The following JPT2 variants were observed in gnomAD, a reference collection of about 807,000 sequenced individuals.
JPT2 encodes CRAMP_1 like.
Under a neutral mutation model 15.9 loss-of-function variants are expected in JPT2, and 9 were observed. The observed-to-expected ratio is 0.57, with a 90% CI of 0.34 to 0.99. The LOEUF (loss-of-function observed/expected upper bound fraction) is 0.99, where lower values mean the gene tolerates loss of function less well. Ranked by LOEUF, JPT2 falls within the 50% of genes least tolerant of loss-of-function variation. The pLI, the probability that JPT2 is intolerant of heterozygous loss-of-function variation, is 0.02. For missense variants in JPT2, 267 were observed against 252.1 expected (o/e 1.06, Z -0.40); for synonymous variants, 95 against 91.7 (o/e 1.04, Z -0.21).
intron 1 of JPT2, chr16:1,680,452 CT>C: frequency 1.6e-6 from 2 of 1,234,574 alleles, no homozygotes; most frequent in Admixed American, 2.6e-5. Context: ...AAAACTCTTC[CT>C]TTTAGGATGG....
At position 1,685,571 on chromosome 16, in the gene JPT2, G is replaced by A; in HGVS notation, c.177G>A (p.Lys59=). ...CAGAAGAACCTCAGAACATACCCAA[G>A]AGGACAAATCCCCCAGGTATGGGCC... The part of the protein sequence containing the change: ...GPTEEPQNIP[K]RTNPPGGKGS... Residue 59 remains lysine, a synonymous_variant, in exon 2 of 5, where the codon AAG becomes AAA. Transcript: ENST00000248098. 1.2e-6 allele frequency: 2 copies of A among 1,614,066 alleles called. No homozygotes were observed. The highest frequency in any genetic ancestry group is 1.7e-6 in the Non-Finnish European group (2 of 1,180,000).
At chr16:1,697,054 T>C (rs923336239) in intron 3 of JPT2, among the ~76,000 whole-genome samples, 1 of 152,206 alleles carries the variant, frequency 6.6e-6, no homozygotes, top group Non-Finnish European at 1.5e-5. Context: ...AATGACTCAT[T>C]TGTCCATCAA....
At chr16:1,694,492 A>G (rs912404610) in intron 3 of JPT2, among the ~76,000 whole-genome samples, 1 of 152,246 alleles carries the variant, frequency 6.6e-6, no homozygotes, top group African/African-American at 2.4e-5. Context: ...AAAAAGTCCT[A>G]TAATTCATAT....
intron 2 of JPT2, chr16:1,690,412 C>A (rs1182542851): frequency 6.6e-6 from 1 of 152,234 alleles, no homozygotes; most frequent in African/African-American, 2.4e-5. Context: ...TCCTCTGTCT[C>A]TGCCTATATA....
rs776265128 is a variant in JPT2, at chr16:1,698,918, C to T, written c.493C>T (p.Pro165Ser). 6.2e-7 allele frequency: 1 copy of T among 1,614,242 alleles called. No homozygotes were observed. Residue 165 changes from proline (P) to serine (S), a missense_variant, in exon 5 of 5, where the codon CCC becomes TCC. Pro to Ser is a moderately conservative substitution (Grantham distance 74, BLOSUM62 -1). Coordinates refer to ENST00000248098, the MANE Select transcript of JPT2 (RefSeq NM_144570.3). This position sits in a 1 kb window ranked among gnomAD's most constrained non-coding sequence, Gnocchi z 4.9. ...EPMPTVDSHE[P>S]RLGPRPRSHN... ...CATGCCCACAGTCGACAGCCATGAG[C>T]CCCGGCTGGGGCCGCGGCCTCGCTC...
At chr16:1,690,362 C>G (rs2037096133) in intron 2 of JPT2, 1 of 152,208 alleles carries the variant, frequency 6.6e-6, no homozygotes, top group African/African-American at 2.4e-5. Context: ...TAACTGTACA[C>G]TAACCTTGTG....
chr16:1,683,624 C>T, intron 1 of JPT2: 1 of 1,479,134 alleles, frequency 6.8e-7, no homozygotes, highest in Non-Finnish European at 9.1e-7. Context: ...TTCTGGGGTA[C>T]AGTAGCCAGC....
At chr16:1,686,348 G>A in intron 2 of JPT2, 1 of 150,352 alleles carries the variant, frequency 6.7e-6, no homozygotes, top group Non-Finnish European at 1.5e-5. Flanking sequence ...ATTCTAGCCT[G>A]GGTGACAGAG....
intron 1 of JPT2, among the ~76,000 whole-genome samples, chr16:1,682,033 G>A (rs1425743251): frequency 6.6e-6 from 1 of 152,226 alleles, no homozygotes; most frequent in African/African-American, 2.4e-5. Context: ...TCCAAAGAGA[G>A]AACTGTAGAG....
chr16:1,688,970 G>A (rs573853655), intron 2 of JPT2: 1 of 152,272 alleles, frequency 6.6e-6, no homozygotes, highest in African/African-American at 2.4e-5. Context: ...AATGTTTGTG[G>A]TTTCCAAAAA....
At chr16:1,692,218 G>A (rs1001948665) in intron 3 of JPT2, 49 of 575,324 alleles carry the variant, frequency 8.5e-5, no homozygotes, top group Admixed American at 7.1e-4. Flanking sequence ...TGCTGGTGGC[G>A]GACGCCCACT....
intron 1 of JPT2, among the ~76,000 whole-genome samples, chr16:1,680,009 A>G (rs2037009530): frequency 6.6e-6 from 1 of 151,918 alleles, no homozygotes; most frequent in South Asian, 2.1e-4. Flanking sequence ...CAGTGAGCCG[A>G]GATCACACCA....
At chr16:1,692,216 G>A in intron 3 of JPT2, 1 of 583,634 alleles carries the variant, frequency 1.7e-6, no homozygotes, top group South Asian at 2.1e-5. Context: ...TGTGCTGGTG[G>A]CGGACGCCCA....
chr16:1,689,876 C>T (rs2037092638), intron 2 of JPT2: 1 of 152,256 alleles, frequency 6.6e-6, no homozygotes, highest in Admixed American at 6.5e-5. Context: ...ACACTCTCCC[C>T]ACCGTGCTGT....
chr16:1,686,916 G>T (rs1394895439), intron 2 of JPT2, among the ~76,000 whole-genome samples: 14 of 151,984 alleles, frequency 9.2e-5, no homozygotes, highest in Admixed American at 9.2e-4. Context: ...TCCGTTTTGG[G>T]GTACCAATAT....
intron 1 of JPT2, among the ~76,000 whole-genome samples, chr16:1,682,016 C>T (rs2037026864): frequency 6.6e-6 from 1 of 152,212 alleles, no homozygotes; most frequent in African/African-American, 2.4e-5. Context: ...GGCCTTCATC[C>T]CTTATTTCCA....
In JPT2 at chr16:1,693,460, A is replaced by G. The variant is rs1162752069; in HGVS notation, c.336+1475A>G. ...GAAGTATCTTTGGGGGCTTTACTAC[A>G]AGGTGAACTTTGGCAAGACCAGAAA... On this transcript the variant is annotated intron_variant, in intron 3 of 4. Transcript: ENST00000248098. Among the ~76,000 whole-genome samples the G allele has an allele frequency of 2.0e-5, 3 of 152,284 alleles. No homozygotes were observed. The East Asian group carries it at 5.8e-4, about 29-fold the overall frequency.
chr16:1,683,560 G>T (rs1489509666), intron 1 of JPT2: 1 of 1,535,488 alleles, frequency 6.5e-7, no homozygotes, highest in Admixed American at 2.0e-5. Context: ...CCAGCCTCCT[G>T]AGTGGACAGG....
chr16:1,679,368 G>C (rs1347669504), intron 1 of JPT2, among the ~76,000 whole-genome samples: 1 of 152,180 alleles, frequency 6.6e-6, no homozygotes, highest in Non-Finnish European at 1.5e-5. Context: ...TAAATACTAA[G>C]TAAAAGAATT....
Sources: gnomAD v4.1 joint callset for allele counts (sites outside exome capture counted in the v4.1 genomes callset) on GRCh38, gnomAD v4.1.1 for gene constraint, Gnocchi (gnomAD v3.1) non-coding constraint, MANE v1.5 for transcripts, NCBI Gene and HGNC (gene_info 2026-07-23, HGNC 2026-07-21) for gene names.